Variants in NPAS2 observed in about 807,000 individuals in gnomAD.
NPAS2 encodes the protein neuronal PAS domain protein 2, also known as neuronal PAS domain-containing protein 2.
NPAS2 carries 23 observed loss-of-function variants against 107.5 expected under a neutral mutation model. The ratio of observed to expected loss-of-function variants is 0.21; its 90% confidence interval spans 0.15 to 0.30. The LOEUF is 0.30. Ranked by LOEUF, NPAS2 falls within the 10% of genes least tolerant of loss-of-function variation. The pLI is 1.00. For synonymous variants in NPAS2, 403 were observed against 417.5 expected (o/e 0.97, Z 0.42); for missense variants, 756 against 1,043.3 (o/e 0.72, Z 3.79).
chr2:100,953,398 A>G (rs1675363628), intron 7 of NPAS2, among the ~76,000 whole-genome samples: 1 of 151,730 alleles, frequency 6.6e-6, no homozygotes, highest in Non-Finnish European at 1.5e-5. Context: ...AAACAAAAAA[A>G]ACACCCTATA....
intron 1 of NPAS2, among the ~76,000 whole-genome samples, chr2:100,872,443 C>T (rs770134999): frequency 7.9e-5 from 12 of 152,204 alleles, no homozygotes; most frequent in Non-Finnish European, 1.6e-4. Flanking sequence ...TTTAATCTTT[C>T]TGACTTTGTC....
At position 100,925,300 on chromosome 2, in the gene NPAS2, G is replaced by C. The variant is rs1357943893; in HGVS notation, c.181+6G>C. The C allele has an allele frequency of 6.2e-7, 1 of 1,613,768 alleles. No individual in the cohort carries two copies. The highest frequency in any genetic ancestry group is 1.1e-5 in the South Asian group (1 of 91,030). ...ATTTTTGCAGAAACACAATGGTAAA[G>C]GTCACCCTTCTCTCTGTTTTTTTTC... is the stretch of plus-strand genomic sequence containing the variant. On this transcript the variant is annotated splice_donor_region_variant and intron_variant, in intron 3 of 20. Transcript: ENST00000335681.
chr2:100,963,835 T>G (rs1676056840), intron 7 of NPAS2, among the ~76,000 whole-genome samples: 1 of 152,196 alleles, frequency 6.6e-6, no homozygotes, highest in Non-Finnish European at 1.5e-5. Context: ...CTAGCAAGCT[T>G]TTTGGTCTTG....
intron 1 of NPAS2, among the ~76,000 whole-genome samples, chr2:100,838,253 G>T (rs1451658248): frequency 6.6e-6 from 1 of 150,562 alleles, no homozygotes; most frequent in Non-Finnish European, 1.5e-5. Context: ...ATGAATATGT[G>T]TGCTGATTTA....
intron 12 of NPAS2, among the ~76,000 whole-genome samples, chr2:100,973,290 G>A (rs1234292611): frequency 2.0e-5 from 3 of 152,114 alleles, no homozygotes; most frequent in Admixed American, 6.5e-5. Flanking sequence ...TTATAGCTTC[G>A]CTGTCTGTCA....
At chr2:100,970,934 G>A (rs370276364) in intron 11 of NPAS2, 56 bp from the exon 12 acceptor site, 264 of 1,506,784 alleles carry the variant, frequency 1.8e-4, no homozygotes, top group African/African-American at 1.6e-3. Context: ...TTCAGGTGGT[G>A]TCATCCCTTC....
Position 100,995,865 on chromosome 2 carries a change from T to C in NPAS2, c.*283T>C. 3.4e-6 allele frequency: 5 copies of C among 1,491,944 alleles called. No homozygotes were observed. Among genetic ancestry groups the C allele is most frequent in the East Asian group, 2.8e-5 (1 of 35,628 alleles). 92.4% of individuals were successfully genotyped at this position (1,491,944 alleles called of 1,614,324 possible). On this transcript the variant is annotated 3_prime_UTR_variant, in exon 21 of 21. Coordinates refer to ENST00000335681, the MANE Select transcript of NPAS2 (RefSeq NM_002518.4). ...CCCCGTGTAGGCATCGTCGGTCGGT[T>C]TGCCGTCAGAGATGGCGCATCTCGC...
chr2:100,821,136 G>A, intron 1 of NPAS2: 4 of 1,304,704 alleles, frequency 3.1e-6, no homozygotes, highest in Non-Finnish European at 4.0e-6. Flanking sequence ...GAAGGGACAG[G>A]CACCACCCGG....
intron 5 of NPAS2, among the ~76,000 whole-genome samples, chr2:100,938,973 A>G (rs1674406631): frequency 6.6e-6 from 1 of 152,130 alleles, no homozygotes; most frequent in Non-Finnish European, 1.5e-5. Flanking sequence ...ATTCACACAT[A>G]GGAAAGCTTG....
chr2:100,846,526 A>G (rs928818085), intron 1 of NPAS2, among the ~76,000 whole-genome samples: 2 of 152,320 alleles, frequency 1.3e-5, no homozygotes, highest in East Asian at 1.9e-4. Flanking sequence ...CTCTTGTACC[A>G]TTGACTACCA....
At chr2:100,961,132 TC>T (rs1158572597) in intron 7 of NPAS2, among the ~76,000 whole-genome samples, 5 of 152,184 alleles carry the variant, frequency 3.3e-5, no homozygotes. Context: ...ATATATTCTT[TC>T]TATTACTTAA....
chr2:100,975,471 G>C lies in NPAS2; in HGVS notation c.1296G>C (p.Lys432Asn). The C allele has an allele frequency of 6.2e-7, 1 of 1,612,812 alleles. No individual in the cohort carries two copies. Among genetic ancestry groups the C allele is most frequent in the Non-Finnish European group, 8.5e-7 (1 of 1,179,346 alleles). ...AMSEPTSTPTKLMAEASTPAL... is the reference protein window; with the variant it reads ...AMSEPTSTPTNLMAEASTPAL... ...GCTTTCTTACAGCCACTCCCACCAA[G>C]CTGATGGCAGAGGCCAGCACCCCGG... The change falls in exon 14 of 21, where the codon AAG becomes AAC. Residue 432 changes from lysine (K) to asparagine (N), a missense_variant. Physicochemically the swap from Lys to Asn is moderately conservative, Grantham distance 94. This residue lies in a region of NPAS2 where 496 missense variants were observed against 594.4 expected (regional missense o/e 0.83). Transcript: ENST00000335681.
intron 15 of NPAS2, among the ~76,000 whole-genome samples, chr2:100,980,197 T>A (rs554264071): frequency 6.6e-6 from 1 of 152,264 alleles, no homozygotes; most frequent in Admixed American, 6.5e-5. Context: ...CACCACCTCC[T>A]AACCCAGCCC....
chr2:100,935,444 C>T (rs1684242434), intron 4 of NPAS2, among the ~76,000 whole-genome samples: 1 of 152,210 alleles, frequency 6.6e-6, no homozygotes, highest in Non-Finnish European at 1.5e-5. Context: ...GGGCACAGCA[C>T]TTTGCAATCA....
At chr2:100,916,523 A>G (rs766523691) in intron 2 of NPAS2, among the ~76,000 whole-genome samples, 2 of 152,226 alleles carry the variant, frequency 1.3e-5, no homozygotes, top group Non-Finnish European at 2.9e-5. Flanking sequence ...GACATTACGT[A>G]TGATACAGGA....
chr2:100,902,844 C>T (rs993715759), intron 1 of NPAS2, among the ~76,000 whole-genome samples: 3 of 152,194 alleles, frequency 2.0e-5, no homozygotes, highest in Non-Finnish European at 4.4e-5. Context: ...GCCCTCTCCT[C>T]ACACTGGGTG....
chr2:100,991,898 C>G (rs893400215), intron 19 of NPAS2, among the ~76,000 whole-genome samples: 1 of 152,200 alleles, frequency 6.6e-6, no homozygotes, highest in African/African-American at 2.4e-5. Context: ...CAAAGTCCAC[C>G]TTGTTGGCCC....
At chr2:100,833,077 C>T (rs1463304970) in intron 1 of NPAS2, among the ~76,000 whole-genome samples, 1 of 152,148 alleles carries the variant, frequency 6.6e-6, no homozygotes, top group East Asian at 1.9e-4. Context: ...CAGCCTGCAC[C>T]GTGGGTGTGC....
chr2:100,876,927 A>C (rs544383400), intron 1 of NPAS2, among the ~76,000 whole-genome samples: 2 of 152,330 alleles, frequency 1.3e-5, no homozygotes, highest in South Asian at 4.1e-4. Flanking sequence ...GGTGACTCCC[A>C]TGGACCAGAA....
Sources: gnomAD v4.1 joint callset for allele counts (sites outside exome capture counted in the v4.1 genomes callset) on GRCh38, gnomAD v4.1.1 for gene constraint, gnomAD v4.1.1 regional missense constraint, MANE v1.5 for transcripts, NCBI Gene and HGNC (gene_info 2026-07-23, HGNC 2026-07-21) for gene names.